Variants in NECTIN1 observed in about 807,000 individuals in gnomAD.
The protein encoded by NECTIN1 is nectin-1.
A neutral mutation model predicts 48.0 loss-of-function variants in NECTIN1; 23 were observed. That is an observed-to-expected ratio of 0.48 (90% CI 0.34 to 0.68). The LOEUF (loss-of-function observed/expected upper bound fraction) is 0.68, where lower values mean the gene tolerates loss of function less well. NECTIN1 is among the 30% of genes least tolerant of loss of function. The pLI is 0.01. For missense variants in NECTIN1, 591 were observed against 709.9 expected, an observed-to-expected ratio of 0.83 and a Z score of 1.90; for synonymous variants, 270 against 288.9, an observed-to-expected ratio of 0.93 and a Z score of 0.66.
rs868396650 is a variant in NECTIN1 at position 119,728,655 on chromosome 11, G to A, written c.-102C>T. On this transcript the variant is annotated 5_prime_UTR_variant, in exon 1 of 6. Transcript: ENST00000264025. ...GGAAGATCGCTGGCGGTCGGCGGGCGCTCGAAGGATCCAGGTCAGCTGCAG... is the reference window on the plus strand; with the variant it reads ...GGAAGATCGCTGGCGGTCGGCGGGCACTCGAAGGATCCAGGTCAGCTGCAG... The A allele has an allele frequency of 1.6e-5, 6 of 366,250 alleles. No individual in the cohort carries two copies. Among genetic ancestry groups the A allele is most frequent in the East Asian group, 1.3e-4 (1 of 7,668 alleles). The allele number at this position is 366,250 out of a possible 1,614,324, so 22.7% of individuals were successfully genotyped here. A position where few individuals can be genotyped will look rare whatever the true frequency, so the allele number is the denominator to read the frequency against.
rs1591493998 is a variant in NECTIN1, at chr11:119,727,509, C to T, written c.79+966G>A. Among the ~76,000 whole-genome samples, 1 of 152,324 alleles carries T rather than the reference C, an allele frequency of 6.6e-6. No homozygotes were observed. The highest frequency in any genetic ancestry group is 1.5e-5 in the Non-Finnish European group (1 of 68,018). ...TTGGTGTCCAGTCAGCCGGCGAGCT[C>T]GGCAGCTTCCCCAGGGACACAAAGG... On this transcript the variant is annotated intron_variant, in intron 1 of 5. Coordinates refer to ENST00000264025, the MANE Select transcript of NECTIN1 (RefSeq NM_002855.5). This position sits in a 1 kb window ranked among gnomAD's most constrained non-coding sequence, Gnocchi z 4.1.
Sources: allele counts gnomAD v4.1 joint callset (sites outside exome capture counted in the v4.1 genomes callset), GRCh38; gene constraint gnomAD v4.1.1; non-coding constraint Gnocchi (gnomAD v3.1); transcripts MANE v1.5; gene names NCBI Gene and HGNC (gene_info 2026-07-23, HGNC 2026-07-21).